Variants in MED12L observed in about 807,000 individuals in gnomAD.
MED12L encodes the protein mediator of RNA polymerase II transcription subunit 12-like protein.
MED12L carries 60 observed loss-of-function variants against 281.3 expected under a neutral mutation model. That is an observed-to-expected ratio of 0.21 (90% confidence interval 0.17 to 0.26). The LOEUF is 0.26. MED12L is among the 10% of genes least tolerant of loss of function. The pLI, the probability that MED12L is intolerant of heterozygous loss-of-function variation, is 1.00. For missense variants in MED12L, 2,146 were observed against 2,680.9 expected (o/e 0.80, Z 4.41); for synonymous variants, 974 against 987.2 (o/e 0.99, Z 0.25).
chr3:151,383,210 T>G (rs562275842), intron 33 of MED12L, among the ~76,000 whole-genome samples: 2 of 152,256 alleles, frequency 1.3e-5, no homozygotes, highest in Non-Finnish European at 2.9e-5. Context: ...TTGAGTTTTC[T>G]TTTCCCATCA....
rs138481570 is a variant in MED12L, at chr3:151,094,210, C to T, written c.99+7185C>T. 4.6e-5 allele frequency among the ~76,000 whole-genome samples: 7 copies of T among 152,292 alleles called. No individual in the cohort carries two copies. In the East Asian group the frequency reaches 7.7e-4, roughly 17 times the overall value. On this transcript the variant is annotated intron_variant, in intron 2 of 44. Transcript: ENST00000687756. ...AGAAGCATAGAGTAAGTGAAACTTG[C>T]AAACTACAAGAACTGTGATGTATTT...
intron 16 of MED12L, chr3:151,197,743 G>A (rs1724869164): frequency 6.6e-6 from 1 of 152,586 alleles, no homozygotes; most frequent in African/African-American, 2.4e-5. Context: ...GAAATGAGAA[G>A]TCACTAAATG....
At chr3:151,339,842 A>G (rs1751575970) in intron 16 of MED12L, among the ~76,000 whole-genome samples, 1 of 152,144 alleles carries the variant, frequency 6.6e-6, no homozygotes, top group Non-Finnish European at 1.5e-5. Flanking sequence ...CATCTTGGGA[A>G]TTTGAAATGA....
At chr3:151,257,578 G>A (rs991305000) in intron 16 of MED12L, among the ~76,000 whole-genome samples, 2 of 152,304 alleles carry the variant, frequency 1.3e-5, no homozygotes, top group East Asian at 3.9e-4. Flanking sequence ...TGTTCTGTAT[G>A]CCTGGCACAT....
intron 24 of MED12L, 65 bp downstream of exon 24, chr3:151,367,831 A>G: frequency 3.9e-6 from 6 of 1,532,042 alleles, no homozygotes; most frequent in South Asian, 3.7e-5. Flanking sequence ...GGTTTCTAAC[A>G]TTACAACACA....
intron 11 of MED12L, 32 bp downstream of exon 11, chr3:151,166,014 T>C (rs1411528939): frequency 1.3e-6 from 2 of 1,562,370 alleles, no homozygotes; most frequent in Admixed American, 1.9e-5. Context: ...CTTTTCACCT[T>C]TTATTTTCAT....
At chr3:151,101,353 G>A (rs577078560) in intron 2 of MED12L, among the ~76,000 whole-genome samples, 1 of 152,292 alleles carries the variant, frequency 6.6e-6, no homozygotes, top group African/African-American at 2.4e-5. Context: ...TACCTGTGAG[G>A]TGGTCATTAT....
intron 39 of MED12L, among the ~76,000 whole-genome samples, chr3:151,402,375 A>G (rs1238756668): frequency 6.6e-6 from 1 of 152,216 alleles, no homozygotes; most frequent in African/African-American, 2.4e-5. Flanking sequence ...GTGTGCAAAC[A>G]GTGGTCGCAC....
At chr3:151,307,099 A>G (rs553243235) in intron 16 of MED12L, among the ~76,000 whole-genome samples, 3 of 152,220 alleles carry the variant, frequency 2.0e-5, no homozygotes, top group Non-Finnish European at 4.4e-5. Context: ...GCCATCTGAT[A>G]GAAAGTTTAT....
intron 16 of MED12L, chr3:151,329,103 CA>C: frequency 3.7e-6 from 3 of 808,682 alleles, no homozygotes; most frequent in Non-Finnish European, 5.8e-6. Flanking sequence ...ATGTTTATAG[CA>C]TATTAACATC....
chr3:151,319,524 T>C (rs1272414743), intron 16 of MED12L, among the ~76,000 whole-genome samples: 1 of 151,370 alleles, frequency 6.6e-6, no homozygotes, highest in African/African-American at 2.4e-5. Context: ...CAGAAAACTT[T>C]AAAAAATTTT....
chr3:151,188,510 T>C (rs1420172357), intron 13 of MED12L, 30 bp downstream of exon 13: 1 of 1,560,204 alleles, frequency 6.4e-7, no homozygotes, highest in East Asian at 2.2e-5. Flanking sequence ...TGCCTCTAGA[T>C]CTTAAATAAG....
intron 39 of MED12L, among the ~76,000 whole-genome samples, chr3:151,397,747 G>A (rs1715167699): frequency 6.6e-6 from 1 of 152,132 alleles, no homozygotes; most frequent in Admixed American, 6.5e-5. Flanking sequence ...AATTTCTCTA[G>A]CTACATAAGG....
chr3:151,167,361 G>GT (rs1291371543), intron 11 of MED12L, among the ~76,000 whole-genome samples: 5 of 152,306 alleles, frequency 3.3e-5, no homozygotes, highest in African/African-American at 1.2e-4. Flanking sequence ...GGACTGCAGA[G>GT]TTAAGTTTTA....
chr3:151,271,289 G>A (rs1740896150), intron 16 of MED12L, among the ~76,000 whole-genome samples: 1 of 151,912 alleles, frequency 6.6e-6, no homozygotes, highest in South Asian at 2.1e-4. Flanking sequence ...TTGTCAACAG[G>A]GAAATACAAA....
At chr3:151,167,162 A>T (rs1443235002) in intron 11 of MED12L, among the ~76,000 whole-genome samples, 1 of 152,244 alleles carries the variant, frequency 6.6e-6, no homozygotes, top group Non-Finnish European at 1.5e-5. Flanking sequence ...TTAATATCTA[A>T]AATTGATAAT....
At chr3:151,341,543 G>A (rs1489636372) in intron 16 of MED12L, among the ~76,000 whole-genome samples, 2 of 148,394 alleles carry the variant, frequency 1.3e-5, no homozygotes, top group East Asian at 4.0e-4. Flanking sequence ...GAGATTGAAG[G>A]GCAAAGTGTT....
chr3:151,115,264 A>AGGTGT (rs1712543641), intron 2 of MED12L, among the ~76,000 whole-genome samples: 1 of 150,248 alleles, frequency 6.7e-6, no homozygotes, highest in Admixed American at 6.6e-5. Context: ...AACATAAAAC[A>AGGTGT]GGTGTGTGCA....
At chr3:151,417,473 AGCT>A (rs1717713242) in intron 43 of MED12L, among the ~76,000 whole-genome samples, 1 of 39,544 alleles carries the variant, frequency 2.5e-5, no homozygotes, top group African/African-American at 9.9e-5. Flanking sequence ...CCGCTCCCCC[AGCT>A]CCCCCCCCGC....
Sources: gnomAD v4.1 joint callset for allele counts (sites outside exome capture counted in the v4.1 genomes callset) on GRCh38, gnomAD v4.1.1 for gene constraint, MANE v1.5 for transcripts, NCBI Gene and HGNC (gene_info 2026-07-23, HGNC 2026-07-21) for gene names.